Variants in PCDHA5 observed in about 807,000 individuals in gnomAD.
PCDHA5 encodes the protein protocadherin alpha-5.
In PCDHA5, 43 loss-of-function variants were observed where a neutral mutation model predicts 61.6. The ratio of observed to expected loss-of-function variants is 0.70; its 90% CI spans 0.55 to 0.90. The LOEUF is 0.90. PCDHA5 is among the 40% of genes least tolerant of loss of function. The pLI is 0.00. For synonymous variants in PCDHA5, 627 were observed against 543.9 expected, an observed-to-expected ratio of 1.15 and a Z score of -2.13; for missense variants, 1,298 against 1,222.7, an observed-to-expected ratio of 1.06 and a Z score of -0.92.
chr5:141,000,395 C>CTCTATAAATA (rs1213762225), intron 3 of PCDHA5, among the ~76,000 whole-genome samples: 2 of 53,986 alleles, frequency 3.7e-5, no homozygotes, highest in African/African-American at 1.5e-4. Flanking sequence ...CTCTCTCTCT[C>CTCTATAAATA]TATATATATA....
rs2150397998 is a variant in PCDHA5, at chr5:140,847,199, C to T, written c.2352+23072C>T. On this transcript the variant is annotated intron_variant, in intron 1 of 3. Coordinates refer to ENST00000529859, the MANE Select transcript of PCDHA5 (RefSeq NM_018908.3). ...GGCCATGAGTGATTAAGGAATTTGGCCACTCTTTAGAATTAATTGGGAGCT... is the reference window on the plus strand; with the variant it reads ...GGCCATGAGTGATTAAGGAATTTGGTCACTCTTTAGAATTAATTGGGAGCT... Among the ~76,000 whole-genome samples the T allele has an allele frequency of 2.7e-5, 4 of 149,538 alleles. No homozygotes were observed. In the East Asian group the frequency reaches 7.8e-4, roughly 29 times the overall value.
At chr5:140,828,821 C>T (rs1402518398) in intron 1 of PCDHA5, 1 of 1,614,068 alleles carries the variant, frequency 6.2e-7, no homozygotes, top group Non-Finnish European at 8.5e-7. Flanking sequence ...CACTTTCGAA[C>T]AGTCTGAATA....
Position 140,928,756 on chromosome 5 carries a change from C to T in PCDHA5, c.2353-50193C>T. 2.5e-6 allele frequency: 4 copies of T among 1,614,164 alleles called. No individual in the cohort carries two copies. The highest frequency in any genetic ancestry group is 3.4e-6 in the Non-Finnish European group (4 of 1,180,032). On this transcript the variant is annotated intron_variant, in intron 1 of 3. Transcript: ENST00000529859. The stretch of plus-strand genomic sequence containing the variant: ...CAATATAGGTGAGCTCCGTACTGCT[C>T]GCTTAGTTCTTCCCACTGATGCAGT...
intron 3 of PCDHA5, among the ~76,000 whole-genome samples, chr5:141,007,422 G>C (rs190866782): frequency 7.0e-6 from 1 of 143,592 alleles, no homozygotes; most frequent in Non-Finnish European, 1.5e-5. Flanking sequence ...AAAAAAATTA[G>C]CCAGGCATGG....
chr5:140,850,376 C>G (rs2041562813), intron 1 of PCDHA5: 1 of 1,597,960 alleles, frequency 6.3e-7, no homozygotes, highest in Non-Finnish European at 8.6e-7. Flanking sequence ...TGGGGCTGTA[C>G]ACGGGCGAGA....
intron 1 of PCDHA5, among the ~76,000 whole-genome samples, chr5:140,891,445 G>T (rs1036846382): frequency 6.7e-6 from 1 of 148,520 alleles, no homozygotes; most frequent in Non-Finnish European, 1.5e-5. Context: ...CCATTGTATA[G>T]GATTTTTGAA....
intron 1 of PCDHA5, among the ~76,000 whole-genome samples, chr5:140,872,165 CT>C (rs781807025): frequency 1.6e-3 from 233 of 143,900 alleles, no homozygotes; most frequent in Middle Eastern, 3.6e-3. Context: ...ATTTACTTTT[CT>C]TTTTTTTTTT....
At chr5:140,834,478 A>T in intron 1 of PCDHA5, 1 of 1,614,162 alleles carries the variant, frequency 6.2e-7, no homozygotes. Context: ...GGCCAGCTCC[A>T]CTACTCGGTC....
At chr5:140,863,034 A>G (rs782534693) in intron 1 of PCDHA5, 1 of 557,696 alleles carries the variant, frequency 1.8e-6, no homozygotes, top group African/African-American at 1.9e-5. Context: ...CAACAGCTGC[A>G]TCTGTCAGCT....
chr5:140,841,368 T>C (rs2150314322), intron 1 of PCDHA5: 15 of 1,613,308 alleles, frequency 9.3e-6, no homozygotes, highest in Non-Finnish European at 1.3e-5. Flanking sequence ...CGACTACTAC[T>C]CTTGCTTCTG....
intron 3 of PCDHA5, among the ~76,000 whole-genome samples, chr5:140,987,333 T>C (rs1470731690): frequency 6.6e-6 from 1 of 152,158 alleles, no homozygotes; most frequent in East Asian, 1.9e-4. Context: ...TAAGAACTGG[T>C]CTAAGGTAAA....
chr5:141,001,936 C>A (rs1440677153), intron 3 of PCDHA5, among the ~76,000 whole-genome samples: 3 of 151,788 alleles, frequency 2.0e-5, no homozygotes, highest in Non-Finnish European at 2.9e-5. Context: ...GGGTGGTGAG[C>A]GGAAATAAGG....
At chr5:140,882,658 G>T in intron 1 of PCDHA5, 4 of 1,614,148 alleles carry the variant, frequency 2.5e-6, no homozygotes, top group South Asian at 1.1e-5. Flanking sequence ...ACGACAACCC[G>T]CCCATATTCC....
rs2150223480 is a variant in PCDHA5 at position 140,834,653 on chromosome 5, C to A, written c.2352+10526C>A. 5.0e-6 allele frequency: 8 copies of A among 1,614,072 alleles called. No individual in the cohort carries two copies. The Admixed American group carries it at 1.3e-4, about 27-fold the overall frequency. On this transcript the variant is annotated intron_variant, in intron 1 of 3. Coordinates refer to ENST00000529859, the MANE Select transcript of PCDHA5 (RefSeq NM_018908.3). The stretch of plus-strand genomic sequence containing the variant: ...GCATTTTGTTTGTGAATTCTCGGAT[C>A]GACCGCGAGGAGCTGTGCGGGCGGA...
At chr5:140,932,899 CAAT>C (rs1317207926) in intron 1 of PCDHA5, among the ~76,000 whole-genome samples, 2 of 151,832 alleles carry the variant, frequency 1.3e-5, no homozygotes, top group Non-Finnish European at 3.0e-5. Context: ...TAGAGGGAAA[CAAT>C]AATATTTCAA....
At chr5:140,846,935 A>G (rs2150395961) in intron 1 of PCDHA5, among the ~76,000 whole-genome samples, 1 of 149,782 alleles carries the variant, frequency 6.7e-6, no homozygotes, top group African/African-American at 2.4e-5. Flanking sequence ...TTTTGAAGAA[A>G]TACTTGAAGG....
intron 3 of PCDHA5, among the ~76,000 whole-genome samples, chr5:140,983,034 C>G (rs923296416): frequency 2.6e-5 from 4 of 151,944 alleles, no homozygotes; most frequent in Non-Finnish European, 5.9e-5. Context: ...GATGGTTTCT[C>G]ATGGAAGTGG....
intron 1 of PCDHA5, chr5:140,843,594 T>G: frequency 6.3e-7 from 1 of 1,595,928 alleles, no homozygotes; most frequent in Middle Eastern, 1.7e-4. Context: ...CCGCAGAGGG[T>G]GTGCTCTGGT....
At chr5:140,870,065 C>T (rs2051628168) in intron 1 of PCDHA5, 2 of 1,613,794 alleles carry the variant, frequency 1.2e-6, no homozygotes, top group Non-Finnish European at 1.7e-6. Flanking sequence ...GAAGTACAGG[C>T]TACAGATAAG....
Sources: allele counts gnomAD v4.1 joint callset (sites outside exome capture counted in the v4.1 genomes callset), GRCh38; gene constraint gnomAD v4.1.1; transcripts MANE v1.5; gene names NCBI Gene and HGNC (gene_info 2026-07-23, HGNC 2026-07-21).